PAH: variants seen among roughly 807,000 people sequenced by gnomAD.
PAH encodes the protein phenylalanine hydroxylase.
A neutral mutation model predicts 62.0 loss-of-function variants in PAH; 64 were observed. The ratio of observed to expected loss-of-function variants is 1.03; its 90% CI spans 0.84 to 1.27. The LOEUF (loss-of-function observed/expected upper bound fraction) is 1.27, where lower values mean the gene tolerates loss of function less well. Among genes scored for constraint, PAH ranks in the 50% most tolerant of loss-of-function variants. The pLI is 0.00. For missense variants in PAH, 579 were observed against 542.8 expected (o/e 1.07, Z -0.66); for synonymous variants, 195 against 196.2 (o/e 0.99, Z 0.05).
intron 1 of PAH, among the ~76,000 whole-genome samples, chr12:102,938,546 A>G (rs1324437529): frequency 6.6e-6 from 1 of 152,096 alleles, no homozygotes; most frequent in Non-Finnish European, 1.5e-5. Context: ...CCTCTGCTTC[A>G]TATCTTCAGG....
In PAH at chr12:102,877,547, G is replaced by C. The variant is rs374999809; in HGVS notation, c.356C>G (p.Pro119Arg). 3 of 1,612,510 alleles carry C rather than the reference G, an allele frequency of 1.9e-6. No homozygotes were observed. The highest frequency in any genetic ancestry group is 2.5e-6 in the Non-Finnish European group (3 of 1,178,566). Residue 119 changes from proline (P) to arginine (R), a missense_variant, in exon 4 of 13, where the codon CCC (proline) becomes CGC (arginine). Transcript: ENST00000553106. Reference protein sequence around the residue: ...LSRDKKKDTVPWFPRTIQELD... With the variant: ...LSRDKKKDTVRWFPRTIQELD... ...CTCTTGAATGGTTCTTGGGAACCAG[G>C]GCACTGAAACACAGAGAAGGCAACG...
rs1371700813 is a variant in PAH at position 102,840,465 on chromosome 12, T to C, written c.1250A>G (p.Tyr417Cys). The C allele has an allele frequency of 6.2e-7, 1 of 1,613,970 alleles. No individual in the cohort carries two copies. Residue 417 changes from tyrosine (Y) to cysteine (C), a missense_variant, in exon 12 of 13, where the codon TAC (tyrosine) becomes TGC (cysteine). Coordinates refer to ENST00000553106, the MANE Select transcript of PAH (RefSeq NM_000277.3). ...PRPFSVRYDP[Y>C]TQRIEVLDNT... ...GTCCAAGACCTCAATCCTTTGGGTG[T>C]ATGGGTCGTAGCGAACTGAGAAGGG...
intron 1 of PAH, chr12:102,913,720 A>C: frequency 1.5e-6 from 1 of 679,896 alleles, no homozygotes; most frequent in Non-Finnish European, 2.7e-6. Flanking sequence ...TACAAAATCC[A>C]TGAAAGTACA....
intron 2 of PAH, among the ~76,000 whole-genome samples, chr12:102,906,543 A>G (rs1214499041): frequency 6.6e-6 from 1 of 152,254 alleles, no homozygotes; most frequent in East Asian, 1.9e-4. Flanking sequence ...AACCTGATCT[A>G]TATGTATCAG....
At chr12:102,951,026 T>C (rs1879737302), upstream of PAH, among the ~76,000 whole-genome samples, 1 of 150,326 alleles carries the variant, frequency 6.7e-6, no homozygotes, top group Admixed American at 6.6e-5. Context: ...TTTGGGGACA[T>C]GAATTTGAGA....
chr12:102,913,712 C>A, intron 1 of PAH: 1 of 670,710 alleles, frequency 1.5e-6, no homozygotes, highest in Non-Finnish European at 2.7e-6. Flanking sequence ...AAAAGAGTTA[C>A]AAAATCCATG....
At position 102,866,633 on chromosome 12, in the gene PAH, G is replaced by A. The variant is rs75166491; in HGVS notation, c.472C>T (p.Arg158Trp). Residue 158 changes from arginine to tryptophan, a missense_variant, in exon 5 of 13, where the codon CGG (arginine) becomes TGG (tryptophan). Physicochemically the swap from Arg to Trp is moderately radical, Grantham distance 101 (BLOSUM62 -3). Coordinates refer to ENST00000553106, the MANE Select transcript of PAH (RefSeq NM_000277.3). Reference protein sequence around the residue: ...GFKDPVYRARRKQFADIAYNY... With the variant: ...GFKDPVYRARWKQFADIAYNY... ...TAGGCAATGTCAGCAAACTGCTTCCGTCTTGCACGGTACACAGGATCTTTA... is the reference window on the plus strand; with the variant it reads ...TAGGCAATGTCAGCAAACTGCTTCCATCTTGCACGGTACACAGGATCTTTA... 2.0e-5 allele frequency: 32 copies of A among 1,613,628 alleles called. No individual in the cohort carries two copies. Among genetic ancestry groups the A allele is most frequent in the African/African-American group, 8.0e-5 (6 of 74,876 alleles).
At chr12:102,918,578 T>TG (rs1016378464), upstream of PAH, among the ~76,000 whole-genome samples, 3 of 151,924 alleles carry the variant, frequency 2.0e-5, no homozygotes, top group Non-Finnish European at 4.4e-5. Flanking sequence ...TTGTTTTTTT[T>TG]TTTTGTTTTG....
intron 9 of PAH, among the ~76,000 whole-genome samples, chr12:102,844,657 T>C (rs1383616957): frequency 6.6e-6 from 1 of 152,170 alleles, no homozygotes; most frequent in Non-Finnish European, 1.5e-5. Context: ...GAATCCCAGA[T>C]GGAAGAAAAA....
chr12:102,911,014 A>G (rs962549331), intron 2 of PAH, among the ~76,000 whole-genome samples: 3 of 152,102 alleles, frequency 2.0e-5, no homozygotes, highest in Non-Finnish European at 4.4e-5. Flanking sequence ...CTTCCTTTCC[A>G]TTCTCATTCC....
upstream of PAH, among the ~76,000 whole-genome samples, chr12:102,955,645 T>C (rs1288982508): frequency 6.6e-6 from 1 of 152,156 alleles, no homozygotes; most frequent in African/African-American, 2.4e-5. Context: ...AATTCCTATT[T>C]CTGCAAGTGG....
chr12:102,854,994 T>C (rs1875343080), intron 6 of PAH, 142 bp downstream of exon 6: 4 of 746,076 alleles, frequency 5.4e-6, no homozygotes, highest in Non-Finnish European at 9.6e-6. Flanking sequence ...ATTTAGTTCT[T>C]CCTGGAGGAA....
At chr12:102,893,752 C>G (rs1877376578) in intron 3 of PAH, among the ~76,000 whole-genome samples, 1 of 152,238 alleles carries the variant, frequency 6.6e-6, no homozygotes, top group African/African-American at 2.4e-5. Flanking sequence ...AATTTCTATA[C>G]TCTACCACCC....
intron 11 of PAH, 42 bp downstream of exon 11, chr12:102,843,604 G>A: frequency 2.5e-6 from 4 of 1,611,956 alleles, no homozygotes; most frequent in Non-Finnish European, 3.4e-6. Flanking sequence ...CACCAGTCAG[G>A]AGGCCCCCAG....
intron 4 of PAH, among the ~76,000 whole-genome samples, chr12:102,866,961 A>G (rs547134808): frequency 6.6e-6 from 1 of 152,336 alleles, no homozygotes; most frequent in Non-Finnish European, 1.5e-5. Context: ...TGCTAAACTA[A>G]GCAAAGTTCA....
intron 3 of PAH, among the ~76,000 whole-genome samples, chr12:102,894,308 C>T (rs1170590730): frequency 6.6e-6 from 1 of 151,430 alleles, no homozygotes; most frequent in African/African-American, 2.4e-5. Flanking sequence ...ATACCAAATT[C>T]CCATGACACA....
intron 1 of PAH, among the ~76,000 whole-genome samples, chr12:102,949,195 A>G (rs1879634876): frequency 6.6e-6 from 1 of 152,166 alleles, no homozygotes; most frequent in Admixed American, 6.5e-5. Flanking sequence ...TGAGGTGCCA[A>G]TGGCCGATCT....
At chr12:102,843,859 G>C (rs1216909162) in intron 10 of PAH, 80 bp from the exon 11 acceptor site, 1 of 1,472,398 alleles carries the variant, frequency 6.8e-7, no homozygotes, top group South Asian at 1.1e-5. Context: ...GGCCATTTGT[G>C]CCCCTTCTCT....
At chr12:102,932,262 C>T (rs954819173) in intron 1 of PAH, among the ~76,000 whole-genome samples, 1 of 152,212 alleles carries the variant, frequency 6.6e-6, no homozygotes, top group African/African-American at 2.4e-5. Context: ...CCACTGTGCC[C>T]TTCTTATACT....
Sources: gnomAD v4.1 joint callset for allele counts (sites outside exome capture counted in the v4.1 genomes callset) on GRCh38, gnomAD v4.1.1 for gene constraint, MANE v1.5 for transcripts, NCBI Gene and HGNC (gene_info 2026-07-23, HGNC 2026-07-21) for gene names.